The following PCDH9 variants were observed in gnomAD, a reference collection of about 807,000 sequenced individuals.
PCDH9 encodes protocadherin 9, also known as protocadherin-9.
A neutral mutation model predicts 70.6 loss-of-function variants in PCDH9; 24 were observed. That is an observed-to-expected ratio of 0.34 (90% CI 0.25 to 0.48). PCDH9 has a LOEUF of 0.48. Among genes scored for constraint, PCDH9 ranks in the 20% least tolerant of loss-of-function variants. The pLI is 0.99. For synonymous variants in PCDH9, 562 were observed against 558.5 expected, an observed-to-expected ratio of 1.01 and a Z score of -0.09; for missense variants, 1,281 against 1,503.6, an observed-to-expected ratio of 0.85 and a Z score of 2.45.
intron 2 of PCDH9, among the ~76,000 whole-genome samples, chr13:67,125,827 G>A (rs1474295298): frequency 1.5e-5 from 2 of 137,206 alleles, no homozygotes; most frequent in East Asian, 2.0e-4. Flanking sequence ...ATTTAAAAAT[G>A]TGTGTATATA....
chr13:66,470,560 T>TCA (rs1958598171), intron 4 of PCDH9, among the ~76,000 whole-genome samples: 1 of 151,964 alleles, frequency 6.6e-6, no homozygotes. Context: ...GTAGAGAAGC[T>TCA]CATCTAAGCA....
intron 4 of PCDH9, among the ~76,000 whole-genome samples, chr13:66,436,727 C>G (rs1442540879): frequency 1.3e-5 from 2 of 152,192 alleles, no homozygotes; most frequent in South Asian, 4.2e-4. Flanking sequence ...AAATATAATG[C>G]AGGCCTAAAT....
intron 2 of PCDH9, among the ~76,000 whole-genome samples, chr13:67,061,491 A>T (rs1334479450): frequency 6.6e-6 from 1 of 152,096 alleles, no homozygotes; most frequent in Non-Finnish European, 1.5e-5. Flanking sequence ...ATGGTTTGAA[A>T]ACTGGCAAGA....
At chr13:67,083,119 C>A (rs114066357) in intron 2 of PCDH9, among the ~76,000 whole-genome samples, 2 of 151,822 alleles carry the variant, frequency 1.3e-5, no homozygotes, top group South Asian at 4.1e-4. Flanking sequence ...ATAAAATAAC[C>A]GTATAAAAAG....
intron 4 of PCDH9, among the ~76,000 whole-genome samples, chr13:66,539,516 C>CT (rs1194076948): frequency 1.3e-5 from 2 of 152,096 alleles, no homozygotes; most frequent in African/African-American, 4.8e-5. Context: ...TTTACTTCCC[C>CT]TTCTGCTGCC....
chr13:66,391,122 C>G (rs919017071), intron 4 of PCDH9, among the ~76,000 whole-genome samples: 1 of 152,142 alleles, frequency 6.6e-6, no homozygotes, highest in Non-Finnish European at 1.5e-5. Context: ...TGCTCTGTTA[C>G]TGATTAATTC....
chr13:67,162,035 G>A (rs1432058560), intron 2 of PCDH9, among the ~76,000 whole-genome samples: 2 of 152,110 alleles, frequency 1.3e-5, no homozygotes, highest in East Asian at 1.9e-4. Flanking sequence ...CTTCCTAAAC[G>A]ACCTTGGAAG....
intron 4 of PCDH9, among the ~76,000 whole-genome samples, chr13:66,407,799 T>C (rs1264547350): frequency 6.6e-6 from 1 of 152,134 alleles, no homozygotes; most frequent in Non-Finnish European, 1.5e-5. Flanking sequence ...CAAATTTTTA[T>C]TTTTTTAGAC....
At chr13:66,386,892 C>T (rs1956938437) in intron 4 of PCDH9, among the ~76,000 whole-genome samples, 1 of 152,116 alleles carries the variant, frequency 6.6e-6, no homozygotes. Flanking sequence ...TGTTTCAATT[C>T]ATGTAGTAAT....
chr13:67,173,878 A>T (rs752384648), intron 2 of PCDH9, among the ~76,000 whole-genome samples: 1 of 151,472 alleles, frequency 6.6e-6, no homozygotes, highest in African/African-American at 2.4e-5. Context: ...TTTGTGTTTT[A>T]AAAAGAGCAT....
At chr13:66,732,135 T>C (rs995897985) in intron 3 of PCDH9, among the ~76,000 whole-genome samples, 2 of 152,036 alleles carry the variant, frequency 1.3e-5, no homozygotes, top group African/African-American at 4.8e-5. Flanking sequence ...TTTTAAAAAC[T>C]TTCTTTGATA....
At chr13:66,905,176 T>C (rs1297154800) in intron 2 of PCDH9, among the ~76,000 whole-genome samples, 1 of 151,568 alleles carries the variant, frequency 6.6e-6, no homozygotes, top group African/African-American at 2.4e-5. Context: ...AGCAGCTTTT[T>C]TGGCATTCAA....
At chr13:66,764,600 C>CA (rs1481349216) in intron 3 of PCDH9, among the ~76,000 whole-genome samples, 4 of 151,712 alleles carry the variant, frequency 2.6e-5, no homozygotes, top group Admixed American at 2.6e-4. Context: ...GTTTCTAAGA[C>CA]AAAAAAGAAC....
chr13:66,934,784 G>C (rs1282840073), intron 2 of PCDH9, among the ~76,000 whole-genome samples: 2 of 107,882 alleles, frequency 1.9e-5, no homozygotes, highest in African/African-American at 7.2e-5. Flanking sequence ...GCAGTGGCGC[G>C]ATCTCGGCTC....
intron 2 of PCDH9, among the ~76,000 whole-genome samples, chr13:67,149,057 G>A (rs2087593704): frequency 6.6e-6 from 1 of 152,138 alleles, no homozygotes; most frequent in Admixed American, 6.5e-5. Flanking sequence ...TCAAATTTGA[G>A]CTCTCAAGTT....
chr13:67,104,292 G>A (rs892935091), intron 2 of PCDH9, among the ~76,000 whole-genome samples: 3 of 152,160 alleles, frequency 2.0e-5, no homozygotes, highest in Non-Finnish European at 4.4e-5. Context: ...AAATATTTCA[G>A]AAATATATGG....
intron 4 of PCDH9, among the ~76,000 whole-genome samples, chr13:66,435,892 C>A (rs1345877916): frequency 6.6e-6 from 1 of 152,100 alleles, no homozygotes; most frequent in Non-Finnish European, 1.5e-5. Context: ...CTAGAGCCCT[C>A]ACATTTTAAT....
chr13:66,527,503 T>C (rs919065187), intron 4 of PCDH9, among the ~76,000 whole-genome samples: 29 of 152,256 alleles, frequency 1.9e-4, no homozygotes, highest in African/African-American at 6.3e-4. Flanking sequence ...TACATGAACA[T>C]ACTTCTTATG....
At chr13:67,107,119 A>T (rs1236758227) in intron 2 of PCDH9, among the ~76,000 whole-genome samples, 8 of 152,104 alleles carry the variant, frequency 5.3e-5, no homozygotes, top group Non-Finnish European at 1.0e-4. Context: ...AGCCTGAAGC[A>T]TGGGGGCCGG....
Sources: allele counts gnomAD v4.1 joint callset (sites outside exome capture counted in the v4.1 genomes callset), GRCh38; gene constraint gnomAD v4.1.1; transcripts MANE v1.5; gene names NCBI Gene and HGNC (gene_info 2026-07-23, HGNC 2026-07-21).